Variants in ITIH5 observed in about 807,000 individuals in gnomAD.
The protein encoded by ITIH5 is inter-alpha-trypsin inhibitor heavy chain 5.
In ITIH5, 65 loss-of-function variants were observed where a neutral mutation model predicts 77.5. The observed-to-expected ratio is 0.84, with a 90% CI of 0.69 to 1.03. The LOEUF (loss-of-function observed/expected upper bound fraction) is 1.03. ITIH5 is among the 50% of genes least tolerant of loss of function. ITIH5 has a pLI of 0.00. For synonymous variants in ITIH5, 525 were observed against 494.3 expected (o/e 1.06, Z -0.82); for missense variants, 1,208 against 1,213.1 (o/e 1.00, Z 0.06).
chr10:7,585,118 T>A (rs554679412), intron 8 of ITIH5, among the ~76,000 whole-genome samples: 1 of 152,328 alleles, frequency 6.6e-6, no homozygotes, highest in East Asian at 1.9e-4. Context: ...GTGGTGTCTC[T>A]GTACAGAGCC....
At position 7,561,624 on chromosome 10, in the gene ITIH5, C is replaced by T. The variant is rs1445909694; in HGVS notation, c.*1459G>A. The T allele has an allele frequency of 6.6e-6, 1 of 152,264 alleles. No individual in the cohort carries two copies. Among genetic ancestry groups the T allele is most frequent in the Non-Finnish European group, 1.5e-5 (1 of 68,074 alleles). The allele number at this position is 152,264 out of a possible 1,614,324, so 9.4% of individuals were successfully genotyped here. On this transcript the variant is annotated 3_prime_UTR_variant, in exon 14 of 14. Coordinates refer to ENST00000397146, the MANE Select transcript of ITIH5 (RefSeq NM_030569.7). ...ATAGTCCCCCAGCGCTAACTTGTTC[C>T]CGAAGCCGCTGCGTCCGACAGGAAC...
rs1266225669 is a variant in ITIH5, at chr10:7,641,940, T to C, written c.286A>G (p.Thr96Ala). The C allele has an allele frequency of 5.0e-6, 8 of 1,613,968 alleles. No individual in the cohort carries two copies. Among genetic ancestry groups the C allele is most frequent in the Non-Finnish European group, 6.8e-6 (8 of 1,179,982 alleles). Residue 96 changes from threonine (T) to alanine (A), a missense_variant, in exon 3 of 14, where the codon ACC becomes GCC. Thr to Ala is a moderately conservative substitution (Grantham distance 58, BLOSUM62 0). Coordinates refer to ENST00000397146, the MANE Select transcript of ITIH5 (RefSeq NM_030569.7). Reference protein sequence around the residue: ...QMQIPAAAFITNFTMLIGDKV... With the variant: ...QMQIPAAAFIANFTMLIGDKV... ...CGTGTCACCTACATAGTGAAGTTGGTGATGAAAGCTGCAGCTGGAATCTGC... is the reference window on the plus strand; with the variant it reads ...CGTGTCACCTACATAGTGAAGTTGGCGATGAAAGCTGCAGCTGGAATCTGC...
chr10:7,594,432 G>C (rs781480576), intron 7 of ITIH5, among the ~76,000 whole-genome samples: 2 of 152,174 alleles, frequency 1.3e-5, no homozygotes, highest in South Asian at 2.1e-4. Context: ...CAGCCTGCTT[G>C]AGACAGGTAC....
intron 12 of ITIH5, among the ~76,000 whole-genome samples, chr10:7,568,784 C>T (rs1832236916): frequency 6.6e-6 from 1 of 152,108 alleles, no homozygotes; most frequent in Non-Finnish European, 1.5e-5. Context: ...CTCTTTCACC[C>T]AAGCCCTCTA....
intron 7 of ITIH5, among the ~76,000 whole-genome samples, chr10:7,609,961 A>C (rs1833208073): frequency 6.6e-6 from 1 of 152,068 alleles, no homozygotes; most frequent in African/African-American, 2.4e-5. Flanking sequence ...CAAGGACTAC[A>C]TGTCTGTCTG....
intron 13 of ITIH5, 60 bp from the exon 14 acceptor site, chr10:7,563,444 C>A: frequency 6.8e-7 from 1 of 1,474,316 alleles, no homozygotes; most frequent in South Asian, 1.3e-5. Flanking sequence ...GTGCTGAACT[C>A]CAACTTCAGA....
chr10:7,628,642 G>A (rs552736825), intron 5 of ITIH5, among the ~76,000 whole-genome samples: 1 of 150,726 alleles, frequency 6.6e-6, no homozygotes, highest in East Asian at 2.0e-4. Context: ...GTTGTACCAT[G>A]TGTCCATGTT....
At chr10:7,621,904 G>C (rs2131044478) in intron 5 of ITIH5, 1 of 152,282 alleles carries the variant, frequency 6.6e-6, no homozygotes, top group African/African-American at 2.4e-5. Context: ...AAAGACATTG[G>C]TGCAGAACAA....
intron 7 of ITIH5, among the ~76,000 whole-genome samples, chr10:7,589,445 C>G (rs377401810): frequency 1.3e-5 from 2 of 151,998 alleles, no homozygotes; most frequent in African/African-American, 4.8e-5. Flanking sequence ...GGCGACAGAG[C>G]GAGACTCTAT....
intron 2 of ITIH5, among the ~76,000 whole-genome samples, chr10:7,653,939 G>C (rs1416462878): frequency 6.6e-6 from 1 of 152,256 alleles, no homozygotes; most frequent in Non-Finnish European, 1.5e-5. Context: ...CGGATCACCT[G>C]AGGTCAGGAG....
chr10:7,606,781 T>C (rs552000660), intron 7 of ITIH5, among the ~76,000 whole-genome samples: 3 of 152,336 alleles, frequency 2.0e-5, no homozygotes, highest in East Asian at 1.9e-4. Context: ...ATTTTACCTC[T>C]AAGATATACT....
At chr10:7,652,242 C>T (rs565367262) in intron 2 of ITIH5, among the ~76,000 whole-genome samples, 3 of 152,244 alleles carry the variant, frequency 2.0e-5, no homozygotes, top group East Asian at 1.9e-4. Flanking sequence ...GGCAGTGTTA[C>T]GGGAGTACCA....
intron 8 of ITIH5, among the ~76,000 whole-genome samples, chr10:7,581,744 T>TTTA (rs1832559208): frequency 8.0e-6 from 1 of 125,540 alleles, no homozygotes; most frequent in Non-Finnish European, 1.7e-5. Flanking sequence ...TTTTTTTTTT[T>TTTA]AGAGACAGGG....
intron 8 of ITIH5, among the ~76,000 whole-genome samples, chr10:7,580,584 G>A (rs1230964366): frequency 8.5e-5 from 13 of 152,234 alleles, no homozygotes. Flanking sequence ...CAGAAGGCAT[G>A]TGGCGACGCC....
intron 11 of ITIH5, chr10:7,570,207 C>T (rs1832269812): frequency 6.5e-6 from 1 of 153,942 alleles, no homozygotes. Flanking sequence ...ACTTTCCTCC[C>T]TATGATGGGA....
intron 12 of ITIH5, among the ~76,000 whole-genome samples, chr10:7,568,395 C>T (rs190335308): frequency 6.6e-6 from 1 of 152,168 alleles, no homozygotes; most frequent in Non-Finnish European, 1.5e-5. Flanking sequence ...TAAGCATTTT[C>T]AGGCTGAGTT....
intron 7 of ITIH5, among the ~76,000 whole-genome samples, chr10:7,597,013 T>C: frequency 8.7e-6 from 1 of 115,360 alleles, no homozygotes; most frequent in African/African-American, 3.3e-5. Context: ...GCCACTGCAC[T>C]CCAGCCTGGG....
At chr10:7,644,122 TG>T (rs943818232) in intron 2 of ITIH5, among the ~76,000 whole-genome samples, 12 of 152,094 alleles carry the variant, frequency 7.9e-5, no homozygotes, top group African/African-American at 2.9e-4. Context: ...ACTGTAGTCC[TG>T]GCTACTCAGG....
chr10:7,647,752 A>C (rs1334539494), intron 2 of ITIH5, among the ~76,000 whole-genome samples: 1 of 152,198 alleles, frequency 6.6e-6, no homozygotes, highest in Admixed American at 6.5e-5. Flanking sequence ...TATTAAAAAT[A>C]TGCTTGAAAT....
Sources: allele counts gnomAD v4.1 joint callset (sites outside exome capture counted in the v4.1 genomes callset), GRCh38; gene constraint gnomAD v4.1.1; transcripts MANE v1.5; gene names NCBI Gene and HGNC (gene_info 2026-07-23, HGNC 2026-07-21).